The following TMPRSS11B variants were observed in gnomAD, a reference collection of about 807,000 sequenced individuals.
TMPRSS11B encodes transmembrane protease serine 11B.
Under a neutral mutation model 44.7 loss-of-function variants are expected in TMPRSS11B, and 53 were observed. The observed-to-expected ratio is 1.19, with a 90% CI of 0.95 to 1.49. The LOEUF (loss-of-function observed/expected upper bound fraction) is 1.49. TMPRSS11B is among the 40% of genes most tolerant of loss of function. The pLI, the probability that TMPRSS11B is intolerant of heterozygous loss-of-function variation, is 0.00. For missense variants in TMPRSS11B, 526 were observed against 494.8 expected (o/e 1.06, Z -0.60); for synonymous variants, 140 against 159.2 (o/e 0.88, Z 0.91).
At chr4:68,230,442 G>A (rs1361172684) in intron 7 of TMPRSS11B, among the ~76,000 whole-genome samples, 2 of 151,964 alleles carry the variant, frequency 1.3e-5, no homozygotes, top group Non-Finnish European at 2.9e-5. Context: ...TAAACTTCTG[G>A]ATGGCAAGAC....
chr4:68,231,465 C>T lies in TMPRSS11B; in HGVS notation c.509-85G>A, dbSNP rs909497089. ...TATATCATTAAAAATTACTTGAAAC[C>T]TTTCAGTGATTATTCAACTTCTCCT... On this transcript the variant is annotated intron_variant, in intron 6 of 9. Transcript: ENST00000332644. 26 of 1,244,500 alleles carry T rather than the reference C, an allele frequency of 2.1e-5. No individual in the cohort carries two copies. The South Asian group carries it at 2.5e-4, about 12-fold the overall frequency. 77.1% of individuals were successfully genotyped at this position (1,244,500 alleles called of 1,614,324 possible).
At chr4:68,239,761 G>C (rs577390616) in intron 2 of TMPRSS11B, among the ~76,000 whole-genome samples, 2 of 152,020 alleles carry the variant, frequency 1.3e-5, no homozygotes, top group African/African-American at 4.8e-5. Context: ...TCACTATAGA[G>C]CTTCCAAAAG....
chr4:68,242,265 T>A (rs1183445409), intron 1 of TMPRSS11B, among the ~76,000 whole-genome samples: 1 of 33,956 alleles, frequency 2.9e-5, no homozygotes, highest in African/African-American at 1.4e-4. Context: ...ATAATATATA[T>A]AATATAATAT....
In TMPRSS11B at chr4:68,227,767, T is replaced by C; in HGVS notation, c.*144A>G. On this transcript the variant is annotated 3_prime_UTR_variant, in exon 10 of 10. Transcript: ENST00000332644. Reference sequence around the variant, plus strand: ...AAATGCATGGACAGTGTTTTAGATATAATAAAATATTAATAAAGACATTTA... The same window carrying C: ...AAATGCATGGACAGTGTTTTAGATACAATAAAATATTAATAAAGACATTTA... 4.7e-6 allele frequency: 2 copies of C among 428,392 alleles called. No homozygotes were observed. Among genetic ancestry groups the C allele is most frequent in the Non-Finnish European group, 6.9e-6 (2 of 288,160 alleles). 26.5% of individuals were successfully genotyped at this position (428,392 alleles called of 1,614,324 possible). A position where few individuals can be genotyped will look rare whatever the true frequency, so the allele number is the denominator to read the frequency against.
Position 68,227,749 on chromosome 4 carries a change from T to C in TMPRSS11B, c.*162A>G. ...TTAATTTAAAAGATTAATAAATGCATGGACAGTGTTTTAGATATAATAAAA... is the reference window on the plus strand; with the variant it reads ...TTAATTTAAAAGATTAATAAATGCACGGACAGTGTTTTAGATATAATAAAA... On this transcript the variant is annotated 3_prime_UTR_variant, in exon 10 of 10. Transcript: ENST00000332644. 1 of 350,818 alleles carries C rather than the reference T, an allele frequency of 2.9e-6. No homozygotes were observed. Among genetic ancestry groups the C allele is most frequent in the Non-Finnish European group, 4.4e-6 (1 of 225,254 alleles). 21.7% of individuals were successfully genotyped at this position (350,818 alleles called of 1,614,324 possible).
chr4:68,232,514 T>G, intron 5 of TMPRSS11B, 98 bp from the exon 6 acceptor site: 1 of 1,118,470 alleles, frequency 8.9e-7, no homozygotes, highest in Non-Finnish European at 1.3e-6. Context: ...CCTAACCCAA[T>G]ATTGTCCAAC....
At chr4:68,244,313 T>A (rs1719942527) in intron 1 of TMPRSS11B, among the ~76,000 whole-genome samples, 1 of 152,202 alleles carries the variant, frequency 6.6e-6, no homozygotes, top group African/African-American at 2.4e-5. Context: ...ACTTTTAGAA[T>A]GAATCTACTT....
rs1370096145 is a variant in TMPRSS11B, at chr4:68,227,159, A to T, written c.*752T>A. ...GAGGTACATGAATCATTTCACATAT[A>T]AGTTAAAAAGTAATGTACACTTTCG... On this transcript the variant is annotated 3_prime_UTR_variant, in exon 10 of 10. Transcript: ENST00000332644. 1 of 152,182 alleles carries T rather than the reference A, an allele frequency of 6.6e-6. No homozygotes were observed. The highest frequency in any genetic ancestry group is 6.5e-5 in the Admixed American group (1 of 15,274). 9.4% of individuals were successfully genotyped at this position (152,182 alleles called of 1,614,324 possible).
At chr4:68,244,079 G>T (rs1008193195) in intron 1 of TMPRSS11B, among the ~76,000 whole-genome samples, 4 of 151,956 alleles carry the variant, frequency 2.6e-5, no homozygotes, top group African/African-American at 9.7e-5. Context: ...TATTATTTTT[G>T]AATAATAGCT....
intron 6 of TMPRSS11B, 106 bp from the exon 7 acceptor site, chr4:68,231,486 C>T: frequency 9.6e-7 from 1 of 1,045,494 alleles, no homozygotes; most frequent in Admixed American, 2.7e-5. Flanking sequence ...TATTCAACTT[C>T]TCCTAATTGA....
At chr4:68,235,943 G>T in intron 4 of TMPRSS11B, 59 bp downstream of exon 4, 1 of 902,978 alleles carries the variant, frequency 1.1e-6, no homozygotes, top group Non-Finnish European at 1.6e-6. Flanking sequence ...CTAAAATCAA[G>T]GTTGTATGAT....
chr4:68,241,457 G>A (rs1719819200), intron 2 of TMPRSS11B, among the ~76,000 whole-genome samples: 1 of 152,050 alleles, frequency 6.6e-6, no homozygotes, highest in Admixed American at 6.6e-5. Context: ...TGACATCAAA[G>A]CATTGAACAT....
chr4:68,238,276 A>C (rs114972201), intron 2 of TMPRSS11B, among the ~76,000 whole-genome samples: 1,632 of 152,262 alleles, frequency 0.011, 34 homozygotes, highest in African/African-American at 0.037. Flanking sequence ...ATGGTAACCA[A>C]TATATACAAA....
At chr4:68,237,267 A>C (rs189322499) in intron 2 of TMPRSS11B, among the ~76,000 whole-genome samples, 36 of 151,976 alleles carry the variant, frequency 2.4e-4, no homozygotes, top group African/African-American at 8.5e-4. Flanking sequence ...AAAGACATGA[A>C]CTCATTCTTT....
chr4:68,242,297 A>T (rs764159282), intron 1 of TMPRSS11B, among the ~76,000 whole-genome samples: 7 of 10,030 alleles, frequency 7.0e-4, no homozygotes, highest in South Asian at 5.1e-3. Context: ...TATTATACAT[A>T]ATATAATATA....
chr4:68,227,882 T>C lies in TMPRSS11B; in HGVS notation c.*29A>G. 1 of 1,558,928 alleles carries C rather than the reference T, an allele frequency of 6.4e-7. No homozygotes were observed. The highest frequency in any genetic ancestry group is 8.6e-7 in the Non-Finnish European group (1 of 1,156,082). On this transcript the variant is annotated 3_prime_UTR_variant, in exon 10 of 10. Transcript: ENST00000332644. ...AGATAAGGATAGCCTACAGTGGTCT[T>C]TATGTTCCTTTGTATAATTCCTTTT...
chr4:68,229,180 ATGAT>A lies in TMPRSS11B; in HGVS notation c.946+73_946+76del, dbSNP rs201568602. 6.2e-3 allele frequency: 8,044 copies of A among 1,287,478 alleles called. 310 individuals are homozygous for A. The African/African-American group carries it at 0.1, about 16-fold the overall frequency. The allele number at this position is 1,287,478 out of a possible 1,614,324, so 79.8% of individuals were successfully genotyped here. A position where few individuals can be genotyped will look rare whatever the true frequency, so the allele number is the denominator to read the frequency against. ...ACTGATTGATTAATTGCATGAGGGGATGATTGATTGATTGATTGATTGATTGATT... is the reference window on the plus strand; with the variant it reads ...ACTGATTGATTAATTGCATGAGGGGATGATTGATTGATTGATTGATTGATT... On this transcript the variant is annotated intron_variant, in intron 8 of 9. Transcript: ENST00000332644.
intron 5 of TMPRSS11B, among the ~76,000 whole-genome samples, chr4:68,233,072 AT>A (rs1005161545): frequency 9.9e-5 from 15 of 152,172 alleles, no homozygotes; most frequent in Admixed American, 5.2e-4. Context: ...TCTTTTTCCT[AT>A]TGGTAAAAGA....
rs1184331245 is a variant in TMPRSS11B at position 68,227,160 on chromosome 4, A to G, written c.*751T>C. On this transcript the variant is annotated 3_prime_UTR_variant, in exon 10 of 10. Transcript: ENST00000332644. ...AGGTACATGAATCATTTCACATATA[A>G]GTTAAAAAGTAATGTACACTTTCGC... is the stretch of plus-strand genomic sequence containing the variant. 1 of 152,210 alleles carries G rather than the reference A, an allele frequency of 6.6e-6. No individual in the cohort carries two copies. Among genetic ancestry groups the G allele is most frequent in the Non-Finnish European group, 1.5e-5 (1 of 68,042 alleles). 9.4% of individuals were successfully genotyped at this position (152,210 alleles called of 1,614,324 possible). A position where few individuals can be genotyped will look rare whatever the true frequency, so the allele number is the denominator to read the frequency against.
Sources: gnomAD v4.1 joint callset for allele counts (sites outside exome capture counted in the v4.1 genomes callset) on GRCh38, gnomAD v4.1.1 for gene constraint, MANE v1.5 for transcripts, NCBI Gene and HGNC (gene_info 2026-07-23, HGNC 2026-07-21) for gene names.